DMD: variants seen among roughly 807,000 people sequenced by gnomAD.
DMD encodes mutant dystrophin.
A neutral mutation model predicts 330.1 loss-of-function variants in DMD; 63 were observed. The observed-to-expected ratio is 0.19, with a 90% confidence interval of 0.16 to 0.24. The LOEUF is 0.24. Among genes scored for constraint, DMD ranks in the 10% least tolerant of loss-of-function variants. DMD has a pLI of 1.00. For synonymous variants in DMD, 1,223 were observed against 959.8 expected, an observed-to-expected ratio of 1.27 and a Z score of -5.07; for missense variants, 3,344 against 2,684.1, an observed-to-expected ratio of 1.25 and a Z score of -5.43.
At chrX:32,561,879 C>A (rs756339810) in intron 16 of DMD, among the ~76,000 whole-genome samples, 24 of 111,772 alleles carry the variant, frequency 2.1e-4, no homozygotes, top group African/African-American at 7.5e-4. Context: ...AGATTGGGGG[C>A]TAATATTCAA....
chrX:32,989,977 T>A (rs1056191595), intron 2 of DMD, among the ~76,000 whole-genome samples: 4 of 111,748 alleles, frequency 3.6e-5, no homozygotes, highest in African/African-American at 1.3e-4. Context: ...TAACTCTGTA[T>A]GAAAATGAGA....
intron 44 of DMD, among the ~76,000 whole-genome samples, chrX:32,172,728 G>A (rs994159828): frequency 4.5e-5 from 5 of 111,894 alleles, no homozygotes; most frequent in Non-Finnish European, 9.4e-5. Flanking sequence ...GAAACCATAT[G>A]TTATTCAATT....
chrX:33,002,873 A>G lies in DMD; in HGVS notation c.93+17266T>C, dbSNP rs758705440. 8.2e-3 allele frequency among the ~76,000 whole-genome samples: 696 copies of G among 85,110 alleles called. 6 individuals carry two copies. The highest frequency in any genetic ancestry group is 0.029 in the African/African-American group (633 of 22,168). The allele number at this position is 85,110 out of a possible 115,157, so 73.9% of individuals were successfully genotyped here. A position where few individuals can be genotyped will look rare whatever the true frequency, so the allele number is the denominator to read the frequency against. ...TCGAAAAAAAAAAAAAAAAAAAAAA[A>G]AAGAAGAAGAAAAAAGAAAAAAGAA... is the stretch of plus-strand genomic sequence containing the variant. On this transcript the variant is annotated intron_variant, in intron 2 of 78. Coordinates refer to ENST00000357033, the MANE Select transcript of DMD (RefSeq NM_004006.3).
intron 47 of DMD, among the ~76,000 whole-genome samples, chrX:31,893,706 C>A (rs1339915042): frequency 9.1e-6 from 1 of 109,324 alleles, no homozygotes; most frequent in African/African-American, 3.3e-5. Flanking sequence ...AGGCATGTGG[C>A]GAAAAAGGGA....
intron 64 of DMD, among the ~76,000 whole-genome samples, chrX:31,222,644 C>T (rs1459670934): frequency 9.1e-6 from 1 of 110,314 alleles, no homozygotes; most frequent in Non-Finnish European, 1.9e-5. Context: ...GCTAATAAAC[C>T]ACACATGTCT....
rs753738964 is a variant in DMD, at chrX:32,209,526, T to C, written c.6438+7390A>G. 5.4e-5 allele frequency among the ~76,000 whole-genome samples: 6 copies of C among 112,110 alleles called. No homozygotes were observed. In the South Asian group the frequency reaches 2.2e-3, roughly 41 times the overall value. ...ATCGTCCTTGCAAAATATTATTTCA[T>C]GAAAATTACTTCTATTAACTTTAAT... On this transcript the variant is annotated intron_variant, in intron 44 of 78. Coordinates refer to ENST00000357033, the MANE Select transcript of DMD (RefSeq NM_004006.3).
intron 9 of DMD, among the ~76,000 whole-genome samples, chrX:32,678,343 A>C (rs2062111983): frequency 8.9e-6 from 1 of 112,335 alleles, no homozygotes; most frequent in African/African-American, 3.2e-5. Context: ...AATTTTCAAC[A>C]CATTTTTTAT....
chrX:32,916,163 G>T (rs2146518009), intron 2 of DMD, among the ~76,000 whole-genome samples: 1 of 111,206 alleles, frequency 9.0e-6, no homozygotes, highest in African/African-American at 3.3e-5. Flanking sequence ...TTCACATTGG[G>T]AAACTATCCA....
At chrX:31,557,034 T>C (rs2074885854) in intron 55 of DMD, among the ~76,000 whole-genome samples, 1 of 112,168 alleles carries the variant, frequency 8.9e-6, no homozygotes, top group African/African-American at 3.2e-5. Flanking sequence ...ATTACAACTA[T>C]GAAGAATGTT....
At chrX:31,142,628 G>A (rs760645919) in intron 76 of DMD, among the ~76,000 whole-genome samples, 2 of 112,277 alleles carry the variant, frequency 1.8e-5, no homozygotes, top group South Asian at 3.7e-4. Flanking sequence ...CAAAGGAACA[G>A]TTTAATTTTT....
At chrX:32,971,134 G>T (rs779391436) in intron 2 of DMD, among the ~76,000 whole-genome samples, 1 of 111,038 alleles carries the variant, frequency 9.0e-6, no homozygotes, top group East Asian at 2.9e-4. Context: ...GCTAATTTTT[G>T]TATTTTTAGT....
Position 32,358,527 on chromosome X carries a change from G to A in DMD, c.5325+4261C>T, listed in dbSNP as rs751604918. Among the ~76,000 whole-genome samples, 277 of 111,365 alleles carry A rather than the reference G, an allele frequency of 2.5e-3. 1 individual carries two copies. The highest frequency in any genetic ancestry group is 6.5e-3 in the Admixed American group (68 of 10,483). On this transcript the variant is annotated intron_variant, in intron 37 of 78. Transcript: ENST00000357033. ...CTCACATTGATTTCACATAGATTAC[G>A]AAAAAACACGCTTTTTTCAAAGTCA...
intron 55 of DMD, among the ~76,000 whole-genome samples, chrX:31,590,745 A>G (rs1314254565): frequency 1.8e-5 from 2 of 111,753 alleles, no homozygotes; most frequent in Admixed American, 1.9e-4. Flanking sequence ...CATTACGTGC[A>G]TCATAAACTT....
intron 12 of DMD, among the ~76,000 whole-genome samples, chrX:32,608,343 T>C (rs2056901684): frequency 9.0e-6 from 1 of 110,750 alleles, no homozygotes. Context: ...CACATACTAC[T>C]ACGTAGACTA....
chrX:33,140,712 G>A (rs992376565), intron 1 of DMD, among the ~76,000 whole-genome samples: 2 of 112,238 alleles, frequency 1.8e-5, no homozygotes, highest in Non-Finnish European at 3.8e-5. Flanking sequence ...TCATTTAATA[G>A]ATTTTCCTTA....
chrX:32,640,034 C>T (rs1197860157), intron 11 of DMD, among the ~76,000 whole-genome samples: 2 of 108,732 alleles, frequency 1.8e-5, no homozygotes, highest in African/African-American at 6.7e-5. Context: ...AGACCTCATT[C>T]CCTGCAAAAT....
At chrX:33,338,364 C>G (rs1274923600) in intron 1 of DMD, among the ~76,000 whole-genome samples, 2 of 110,042 alleles carry the variant, frequency 1.8e-5, no homozygotes, top group African/African-American at 3.3e-5. Flanking sequence ...TTATAATCCA[C>G]TGATTGTAGG....
intron 44 of DMD, among the ~76,000 whole-genome samples, chrX:32,037,152 G>A (rs921807409): frequency 1.8e-5 from 2 of 112,161 alleles, no homozygotes; most frequent in African/African-American, 6.5e-5. Context: ...TTCAAGGGTT[G>A]TTTTAATGAT....
intron 43 of DMD, among the ~76,000 whole-genome samples, chrX:32,218,979 T>C (rs1345814236): frequency 1.8e-5 from 2 of 112,110 alleles, no homozygotes; most frequent in African/African-American, 3.2e-5. Flanking sequence ...AATTTAATAA[T>C]GTATCTACAT....
Sources: allele counts gnomAD v4.1 joint callset (sites outside exome capture counted in the v4.1 genomes callset), GRCh38; gene constraint gnomAD v4.1.1; transcripts MANE v1.5; gene names NCBI Gene and HGNC (gene_info 2026-07-23, HGNC 2026-07-21).